The following ARMH3 variants were observed in gnomAD, a reference collection of about 807,000 sequenced individuals.
ARMH3 encodes the protein armadillo-like helical domain-containing protein 3.
ARMH3 carries 60 observed loss-of-function variants against 99.1 expected under a neutral mutation model. The ratio of observed to expected loss-of-function variants is 0.61; its 90% CI spans 0.49 to 0.75. The LOEUF (loss-of-function observed/expected upper bound fraction) is 0.75. ARMH3 is among the 30% of genes least tolerant of loss of function. The probability of loss-of-function intolerance (pLI) is 0.00; values close to 1 mark genes in which losing one functional copy is unlikely to be tolerated. For missense variants in ARMH3, 679 were observed against 843.1 expected, an observed-to-expected ratio of 0.81 and a Z score of 2.41; for synonymous variants, 285 against 292.8, an observed-to-expected ratio of 0.97 and a Z score of 0.27.
In ARMH3 at chr10:102,006,453, G is replaced by A. The variant is rs61873631; in HGVS notation, c.1048+87C>T. The A allele has an allele frequency of 5.7e-3, 8,166 of 1,425,510 alleles. 31 individuals are homozygous for A. Among genetic ancestry groups the A allele is most frequent in the Non-Finnish European group, 7.0e-3 (7,084 of 1,017,942 alleles). The allele number at this position is 1,425,510 out of a possible 1,614,324, so 88.3% of individuals were successfully genotyped here. A position where few individuals can be genotyped will look rare whatever the true frequency, so the allele number is the denominator to read the frequency against. ...TTTAGTGGGAAAAATTAACAACTAC[G>A]TAGGTTCTTTGTTGAACACAGCTAT... On this transcript the variant is annotated intron_variant, in intron 14 of 25. Coordinates refer to ENST00000370033, the MANE Select transcript of ARMH3 (RefSeq NM_024541.3).
At chr10:102,035,549 G>A (rs920915676) in intron 2 of ARMH3, among the ~76,000 whole-genome samples, 51 of 145,902 alleles carry the variant, frequency 3.5e-4, no homozygotes, top group Non-Finnish European at 6.9e-4. Context: ...GATTGCAGGC[G>A]CGCGCTGCCA....
intron 23 of ARMH3, among the ~76,000 whole-genome samples, chr10:101,936,222 G>A (rs750485792): frequency 1.1e-4 from 16 of 152,122 alleles, no homozygotes; most frequent in East Asian, 1.9e-4. Context: ...GGCCGGGTGC[G>A]GTGGCTCATG....
intron 20 of ARMH3, among the ~76,000 whole-genome samples, chr10:101,969,911 A>G (rs1167376186): frequency 6.6e-6 from 1 of 152,206 alleles, no homozygotes; most frequent in Non-Finnish European, 1.5e-5. Context: ...GGGGATAAAA[A>G]TAACGACTTA....
intron 20 of ARMH3, among the ~76,000 whole-genome samples, chr10:101,960,726 T>TA (rs1381039864): frequency 2.6e-5 from 4 of 151,336 alleles, no homozygotes; most frequent in Admixed American, 6.6e-5. Context: ...CCGTCTCTAC[T>TA]AAAAAATACA....
intron 24 of ARMH3, among the ~76,000 whole-genome samples, chr10:101,879,390 C>A (rs2067355179): frequency 6.6e-6 from 1 of 151,198 alleles, no homozygotes. Context: ...ACTCTTGTTG[C>A]CCAGGCTGGA....
intron 23 of ARMH3, among the ~76,000 whole-genome samples, chr10:101,930,393 T>C (rs1227591457): frequency 1.3e-5 from 2 of 152,004 alleles, no homozygotes; most frequent in Non-Finnish European, 2.9e-5. Flanking sequence ...AGAAAACTTA[T>C]TAGGTTGGTG....
intron 23 of ARMH3, among the ~76,000 whole-genome samples, chr10:101,934,982 G>A (rs1199166748): frequency 3.3e-5 from 5 of 151,814 alleles, no homozygotes; most frequent in African/African-American, 1.2e-4. Flanking sequence ...CTAAAACACA[G>A]CAGCCCCCAA....
intron 22 of ARMH3, among the ~76,000 whole-genome samples, chr10:101,947,080 C>T (rs939018237): frequency 1.3e-5 from 2 of 151,650 alleles, no homozygotes; most frequent in African/African-American, 2.4e-5. Flanking sequence ...CCCAGCTACT[C>T]GGGAGGCTGA....
At chr10:102,018,186 T>A (rs183413871) in intron 8 of ARMH3, among the ~76,000 whole-genome samples, 344 of 152,280 alleles carry the variant, frequency 2.3e-3, no homozygotes, top group Non-Finnish European at 4.0e-3. Context: ...AAGCCCCCGG[T>A]CTTCCTTGAG....
intron 17 of ARMH3, 59 bp downstream of exon 17, chr10:101,993,479 C>T (rs780513469): frequency 1.5e-6 from 2 of 1,331,126 alleles, no homozygotes; most frequent in Admixed American, 2.0e-5. Context: ...TCATCCCAAC[C>T]CTGCCGACAT....
chr10:101,938,555 C>G (rs1296739087), intron 23 of ARMH3, among the ~76,000 whole-genome samples: 1 of 152,198 alleles, frequency 6.6e-6, no homozygotes, highest in East Asian at 1.9e-4. Context: ...ATGAATGAGT[C>G]AACACAACAT....
At chr10:101,865,677 T>TG (rs1188043351) in intron 24 of ARMH3, among the ~76,000 whole-genome samples, 7 of 151,902 alleles carry the variant, frequency 4.6e-5, no homozygotes, top group Non-Finnish European at 8.8e-5. Context: ...TTTGTAGAGA[T>TG]GGGGTTTCCC....
At chr10:101,869,601 C>G (rs1159172947) in intron 24 of ARMH3, among the ~76,000 whole-genome samples, 2 of 152,180 alleles carry the variant, frequency 1.3e-5, no homozygotes, top group Non-Finnish European at 2.9e-5. Flanking sequence ...GAAAAATTTA[C>G]AGCTCTAACT....
intron 23 of ARMH3, among the ~76,000 whole-genome samples, chr10:101,938,002 T>C (rs1278383162): frequency 1.3e-5 from 2 of 152,188 alleles, no homozygotes; most frequent in African/African-American, 2.4e-5. Context: ...TAGCTGGGAC[T>C]ACAGGCATGT....
At chr10:102,052,523 C>G (rs2067731793) in intron 1 of ARMH3, among the ~76,000 whole-genome samples, 1 of 151,970 alleles carries the variant, frequency 6.6e-6, no homozygotes, top group Admixed American at 6.6e-5. Flanking sequence ...CTTGCCTGAC[C>G]CCATAATCTT....
At chr10:102,005,380 CAAAAAAAAAAAAAA>C (rs11344018) in intron 14 of ARMH3, among the ~76,000 whole-genome samples, 1 of 64,904 alleles carries the variant, frequency 1.5e-5, no homozygotes, top group African/African-American at 6.0e-5. Flanking sequence ...GACTCTGTCT[CAAAAAAAAAAAAAA>C]AAAAAAAAAG....
intron 8 of ARMH3, among the ~76,000 whole-genome samples, chr10:102,016,453 T>C (rs2066752648): frequency 6.6e-6 from 1 of 152,190 alleles, no homozygotes; most frequent in South Asian, 2.1e-4. Flanking sequence ...GGCTTAATAA[T>C]TGGTACAGGT....
At chr10:101,861,564 C>T (rs2066869467) in intron 24 of ARMH3, among the ~76,000 whole-genome samples, 1 of 151,408 alleles carries the variant, frequency 6.6e-6, no homozygotes, top group Admixed American at 6.6e-5. Context: ...AACTCTGTCT[C>T]TACTCAAATA....
At position 101,885,981 on chromosome 10, in the gene ARMH3, C is replaced by T. The variant is rs376123427; in HGVS notation, c.1860+3431G>A. 1.1e-4 allele frequency among the ~76,000 whole-genome samples: 16 copies of T among 151,482 alleles called. No individual in the cohort carries two copies. The East Asian group carries it at 2.5e-3, about 24-fold the overall frequency. On this transcript the variant is annotated intron_variant, in intron 24 of 25. Coordinates refer to ENST00000370033, the MANE Select transcript of ARMH3 (RefSeq NM_024541.3). ...CTGACGCAGGAGAATTGATTGAACC[C>T]GAGAAGCAGAGGTTGCGGTGAGCCA...
Sources: gnomAD v4.1 joint callset for allele counts (sites outside exome capture counted in the v4.1 genomes callset) on GRCh38, gnomAD v4.1.1 for gene constraint, MANE v1.5 for transcripts, NCBI Gene and HGNC (gene_info 2026-07-23, HGNC 2026-07-21) for gene names.